Variants in MAPRE2 observed in about 807,000 individuals in gnomAD.
MAPRE2 encodes microtubule associated protein RP/EB family member 2, also known as microtubule-associated protein RP/EB family member 2.
MAPRE2 carries 13 observed loss-of-function variants against 43.2 expected under a neutral mutation model. That is an observed-to-expected ratio of 0.30 (90% CI 0.20 to 0.48). MAPRE2 has a LOEUF of 0.48. MAPRE2 is among the 20% of genes least tolerant of loss of function. MAPRE2 has a pLI of 0.99. For missense variants in MAPRE2, 161 were observed against 400.2 expected, an observed-to-expected ratio of 0.40 and a Z score of 5.10; for synonymous variants, 135 against 148.8, an observed-to-expected ratio of 0.91 and a Z score of 0.68.
At position 35,035,882 on chromosome 18, in the gene MAPRE2, C is replaced by G. The variant is rs533522217; in HGVS notation, c.-8+30329C>G. 6.7e-5 allele frequency among the ~76,000 whole-genome samples: 9 copies of G among 134,160 alleles called. No homozygotes were observed. The South Asian group carries it at 2.8e-3, about 41-fold the overall frequency. The allele number at this position is 134,160 out of a possible 152,430, so 88.0% of individuals were successfully genotyped here. ...TCCCCCTGAATGAGAGCGCTCACAG[C>G]TGTAATGACCACCTGTTACGTAACT... On this transcript the variant is annotated intron_variant, in intron 2 of 7. Transcript: ENST00000413393.
At chr18:35,041,372 A>G (rs374451717), upstream of MAPRE2, 31 of 1,457,832 alleles carry the variant, frequency 2.1e-5, no homozygotes, top group African/African-American at 2.8e-4. Context: ...CAGCTGCCAG[A>G]GGGCGGGGCC....
At chr18:35,019,685 A>G (rs2097040753) in intron 2 of MAPRE2, among the ~76,000 whole-genome samples, 1 of 151,978 alleles carries the variant, frequency 6.6e-6, no homozygotes, top group African/African-American at 2.4e-5. Context: ...TATTTATCCA[A>G]CTTGCCATTG....
chr18:34,981,789 C>G (rs2097016325), intron 1 of MAPRE2, among the ~76,000 whole-genome samples: 1 of 152,026 alleles, frequency 6.6e-6, no homozygotes, highest in South Asian at 2.1e-4. Flanking sequence ...CTACACAAGA[C>G]TAGTTTGAAT....
intron 1 of MAPRE2, among the ~76,000 whole-genome samples, chr18:35,000,956 C>A (rs539099045): frequency 1.3e-5 from 2 of 152,138 alleles, no homozygotes; most frequent in African/African-American, 4.8e-5. Context: ...CCACTCCATA[C>A]ACGTACCTGT....
chr18:35,061,883 G>A (rs1212739574), intron 1 of MAPRE2, among the ~76,000 whole-genome samples: 1 of 152,194 alleles, frequency 6.6e-6, no homozygotes, highest in Non-Finnish European at 1.5e-5. Context: ...AGAAAGTGAT[G>A]AATCTAGAAT....
rs1332788207 is a variant in MAPRE2, at chr18:35,041,478, C to T, written c.-62C>T. ...CGGAGCAGGCGAGCGAGCGGGAAGA[C>T]GCAGCCACCTTCCTCACCAGCCAGC... On this transcript the variant is annotated 5_prime_UTR_variant, in exon 1 of 7. It adds an upstream start codon to the 5' untranslated region. Transcript: ENST00000300249. 1 of 1,612,254 alleles carries T rather than the reference C, an allele frequency of 6.2e-7. No homozygotes were observed. Among genetic ancestry groups the T allele is most frequent in the Non-Finnish European group, 8.5e-7 (1 of 1,179,200 alleles).
intron 2 of MAPRE2, among the ~76,000 whole-genome samples, chr18:35,011,761 C>G (rs1195461230): frequency 6.6e-6 from 1 of 152,116 alleles, no homozygotes; most frequent in Non-Finnish European, 1.5e-5. Context: ...ACCACAGTTA[C>G]TTTTGCACCA....
At chr18:35,057,369 C>T (rs1170554410) in intron 1 of MAPRE2, among the ~76,000 whole-genome samples, 5 of 152,118 alleles carry the variant, frequency 3.3e-5, no homozygotes, top group Admixed American at 3.3e-4. Context: ...CTGCTTTTTA[C>T]TGGAATGCTC....
chr18:35,030,643 A>G (rs1215217701), intron 2 of MAPRE2, among the ~76,000 whole-genome samples: 1 of 152,206 alleles, frequency 6.6e-6, no homozygotes, highest in Non-Finnish European at 1.5e-5. Flanking sequence ...TGTTGCTATT[A>G]ATGTGATTAG....
intron 4 of MAPRE2, among the ~76,000 whole-genome samples, chr18:35,118,142 C>T: frequency 6.6e-6 from 1 of 152,112 alleles, no homozygotes; most frequent in Non-Finnish European, 1.5e-5. Context: ...TTGGCAGGGG[C>T]AGGCTTTGAG....
At chr18:35,116,796 G>C (rs112744238) in intron 4 of MAPRE2, among the ~76,000 whole-genome samples, 2 of 152,224 alleles carry the variant, frequency 1.3e-5, no homozygotes, top group Non-Finnish European at 2.9e-5. Flanking sequence ...CTGTGGGTTA[G>C]AGTCAGGTCA....
At chr18:34,994,575 C>T (rs1269139344) in intron 1 of MAPRE2, among the ~76,000 whole-genome samples, 2 of 152,100 alleles carry the variant, frequency 1.3e-5, no homozygotes, top group Non-Finnish European at 2.9e-5. Flanking sequence ...GCCGCATCCA[C>T]ATGATCCCTG....
At chr18:34,994,434 G>A (rs1395679040) in intron 1 of MAPRE2, among the ~76,000 whole-genome samples, 2 of 150,888 alleles carry the variant, frequency 1.3e-5, no homozygotes, top group Non-Finnish European at 2.9e-5. Flanking sequence ...GCCAACCTTA[G>A]AGAAATGATG....
At chr18:34,991,299 G>C (rs895204414) in intron 1 of MAPRE2, among the ~76,000 whole-genome samples, 2 of 152,150 alleles carry the variant, frequency 1.3e-5, no homozygotes, top group Admixed American at 6.5e-5. Flanking sequence ...TTCTAAGTGA[G>C]AGTGTGCATC....
At chr18:34,984,783 A>AGT (rs1350225855) in intron 1 of MAPRE2, among the ~76,000 whole-genome samples, 104 of 86,664 alleles carry the variant, frequency 1.2e-3, no homozygotes, top group African/African-American at 4.5e-3. Flanking sequence ...ATATATTAAT[A>AGT]TATAGTTATA....
At chr18:35,091,694 A>G (rs1390563021) in intron 2 of MAPRE2, among the ~76,000 whole-genome samples, 2 of 151,986 alleles carry the variant, frequency 1.3e-5, no homozygotes, top group African/African-American at 2.4e-5. Flanking sequence ...CTTGGCAATG[A>G]GTGGGCTATC....
chr18:34,977,698 G>A (rs2097013978), intron 1 of MAPRE2, among the ~76,000 whole-genome samples: 2 of 152,238 alleles, frequency 1.3e-5, no homozygotes, highest in African/African-American at 4.8e-5. Context: ...TCAGGAGCCG[G>A]GTGGGTGCAA....
At chr18:35,059,088 A>G (rs1180221915) in intron 1 of MAPRE2, among the ~76,000 whole-genome samples, 1 of 152,246 alleles carries the variant, frequency 6.6e-6, no homozygotes, top group Non-Finnish European at 1.5e-5. Flanking sequence ...AGGCATGTGG[A>G]AAGTTTTCAA....
At chr18:35,040,160 G>A (rs1459573339), upstream of MAPRE2, among the ~76,000 whole-genome samples, 2 of 152,144 alleles carry the variant, frequency 1.3e-5, no homozygotes, top group African/African-American at 2.4e-5. Context: ...CTGAGATTGC[G>A]CCACTGCACT....
Sources: allele counts gnomAD v4.1 joint callset (sites outside exome capture counted in the v4.1 genomes callset), GRCh38; gene constraint gnomAD v4.1.1; transcripts MANE v1.5; gene names NCBI Gene and HGNC (gene_info 2026-07-23, HGNC 2026-07-21).